The following CARMIL1 variants were observed in gnomAD, a reference collection of about 807,000 sequenced individuals.
CARMIL1 encodes capping protein regulator and myosin 1 linker 1.
Under a neutral mutation model 177.1 loss-of-function variants are expected in CARMIL1, and 90 were observed. That is an observed-to-expected ratio of 0.51 (90% CI 0.43 to 0.61). The LOEUF (loss-of-function observed/expected upper bound fraction) is 0.61, where lower values mean the gene tolerates loss of function less well. Among genes scored for constraint, CARMIL1 ranks in the 20% least tolerant of loss-of-function variants. CARMIL1 has a pLI of 0.00. For missense variants in CARMIL1, 1,380 were observed against 1,667.0 expected, an observed-to-expected ratio of 0.83 and a Z score of 3.00; for synonymous variants, 577 against 606.2, an observed-to-expected ratio of 0.95 and a Z score of 0.71.
chr6:25,533,526 G>T (rs986698557), intron 24 of CARMIL1, among the ~76,000 whole-genome samples: 5 of 151,728 alleles, frequency 3.3e-5, no homozygotes, highest in Non-Finnish European at 5.9e-5. Context: ...ACATTAATGG[G>T]TTTTTTTTGG....
At chr6:25,567,074 G>T (rs917589063) in intron 29 of CARMIL1, among the ~76,000 whole-genome samples, 2 of 152,218 alleles carry the variant, frequency 1.3e-5, no homozygotes, top group Non-Finnish European at 2.9e-5. Flanking sequence ...AGTCAGGGAT[G>T]TTAACACACT....
intron 2 of CARMIL1, among the ~76,000 whole-genome samples, chr6:25,332,248 A>G (rs1047149975): frequency 5.2e-4 from 79 of 152,332 alleles, no homozygotes; most frequent in African/African-American, 1.9e-3. Flanking sequence ...TTGTCTTTCC[A>G]GCCTAGGAGC....
At chr6:25,452,003 C>CG (rs942138036) in intron 8 of CARMIL1, 13 of 293,980 alleles carry the variant, frequency 4.4e-5, no homozygotes, top group Admixed American at 2.8e-4. Context: ...CCTCCCCCCC[C>CG]CAGAATACTG....
intron 29 of CARMIL1, among the ~76,000 whole-genome samples, chr6:25,567,677 A>T (rs1172067417): frequency 6.6e-6 from 1 of 152,194 alleles, no homozygotes; most frequent in Non-Finnish European, 1.5e-5. Context: ...GAAATTTGGG[A>T]ATGACAAAAA....
intron 2 of CARMIL1, among the ~76,000 whole-genome samples, chr6:25,290,098 G>A (rs111966106): frequency 3.1e-4 from 47 of 152,154 alleles, no homozygotes; most frequent in African/African-American, 7.9e-4. Flanking sequence ...TCATTGTCTG[G>A]ACTTCTTTTT....
chr6:25,526,523 TC>T (rs142336270), intron 23 of CARMIL1, among the ~76,000 whole-genome samples: 1,877 of 151,454 alleles, frequency 0.012, 28 homozygotes, highest in African/African-American at 0.037. Flanking sequence ...GCCTCTCATC[TC>T]CTTTTCCTCT....
intron 9 of CARMIL1, among the ~76,000 whole-genome samples, chr6:25,468,266 T>TA (rs950240866): frequency 3.7e-4 from 56 of 151,978 alleles, no homozygotes; most frequent in African/African-American, 1.0e-3. Context: ...CTTGATTCAT[T>TA]AAAAAAAACA....
At chr6:25,566,580 C>T (rs1811571850) in intron 29 of CARMIL1, among the ~76,000 whole-genome samples, 1 of 152,226 alleles carries the variant, frequency 6.6e-6, no homozygotes, top group Non-Finnish European at 1.5e-5. Flanking sequence ...ATTATATTAT[C>T]TTAGCACTTA....
chr6:25,521,254 A>G (rs1262499489), intron 23 of CARMIL1, among the ~76,000 whole-genome samples: 1 of 152,194 alleles, frequency 6.6e-6, no homozygotes, highest in African/African-American at 2.4e-5. Context: ...GTACATATTC[A>G]GCAGGCTTGG....
chr6:25,311,803 AGGGCCAG>A (rs557449217), intron 2 of CARMIL1, among the ~76,000 whole-genome samples: 42 of 152,334 alleles, frequency 2.8e-4, no homozygotes, highest in African/African-American at 9.9e-4. Context: ...ATGATCTTAG[AGGGCCAG>A]GGGATAAGTA....
intron 5 of CARMIL1, among the ~76,000 whole-genome samples, chr6:25,439,543 A>T (rs1471154912): frequency 1.3e-5 from 2 of 152,076 alleles, no homozygotes; most frequent in Admixed American, 6.6e-5. Context: ...CCAGTGAAAA[A>T]CCAGGGCCTG....
At chr6:25,586,739 G>A (rs543515597) in intron 31 of CARMIL1, among the ~76,000 whole-genome samples, 2 of 152,100 alleles carry the variant, frequency 1.3e-5, no homozygotes, top group South Asian at 2.1e-4. Flanking sequence ...GATCACTCGC[G>A]GTCAGGAGCT....
Position 25,577,845 on chromosome 6 carries a change from GC to G in CARMIL1, c.2743-3077del, listed in dbSNP as rs1055813562. On this transcript the variant is annotated intron_variant, in intron 29 of 36. Coordinates refer to ENST00000329474, the MANE Select transcript of CARMIL1 (RefSeq NM_017640.6). This position sits in a 1 kb window ranked among gnomAD's most constrained non-coding sequence, Gnocchi z 4.5. ...TGGATTCTCAGAAAATAGAGTTGTG[GC>G]CTTTTTGTTCACAGTGTCTGCCACA... is the stretch of plus-strand genomic sequence containing the variant. Among the ~76,000 whole-genome samples, 1 of 152,044 alleles carries G rather than the reference GC, an allele frequency of 6.6e-6. No homozygotes were observed. Among genetic ancestry groups the G allele is most frequent in the Non-Finnish European group, 1.5e-5 (1 of 67,972 alleles).
intron 2 of CARMIL1, among the ~76,000 whole-genome samples, chr6:25,361,834 A>C (rs1789228686): frequency 6.6e-6 from 1 of 152,206 alleles, no homozygotes; most frequent in East Asian, 1.9e-4. Context: ...CTCTCACCGT[A>C]TGATGCTCTC....
At chr6:25,586,129 G>A (rs1025471341) in intron 31 of CARMIL1, among the ~76,000 whole-genome samples, 14 of 148,752 alleles carry the variant, frequency 9.4e-5, no homozygotes, top group African/African-American at 2.3e-4. Flanking sequence ...ACGGCTGGCC[G>A]GGCGGGGGGT....
At chr6:25,533,576 A>G (rs1329708382) in intron 24 of CARMIL1, among the ~76,000 whole-genome samples, 1 of 152,098 alleles carries the variant, frequency 6.6e-6, no homozygotes. Flanking sequence ...ATTATTATGG[A>G]CCATCTCATC....
In CARMIL1 at chr6:25,284,842, TA is replaced by T; in HGVS notation, c.76del (p.Ile26PhefsTer3). 6.4e-7 allele frequency: 1 copy of T among 1,567,976 alleles called. No individual in the cohort carries two copies. The highest frequency in any genetic ancestry group is 1.9e-5 in the Admixed American group (1 of 53,998). The part of the protein sequence containing the change: ...ESIKDVIGRK[I>X]KISVKKKVKL... ...ATAAAGGATGTTATTGGCAGAAAGA[TA>T]AAAATTTCAGTGAAGAAGAAAGTAA... On this transcript the variant is annotated frameshift_variant, in exon 2 of 37. Coordinates refer to ENST00000329474, the MANE Select transcript of CARMIL1 (RefSeq NM_017640.6). LOFTEE classifies it high-confidence loss of function.
intron 31 of CARMIL1, among the ~76,000 whole-genome samples, chr6:25,589,525 T>C (rs1348920670): frequency 6.6e-6 from 1 of 152,206 alleles, no homozygotes; most frequent in Non-Finnish European, 1.5e-5. Context: ...GTCTCACCTG[T>C]CACCCAGGCT....
intron 2 of CARMIL1, among the ~76,000 whole-genome samples, chr6:25,300,468 A>G (rs145333471): frequency 0.024 from 3,595 of 152,276 alleles, 60 homozygotes; most frequent in Non-Finnish European, 0.038. Context: ...GGAGTTCGAG[A>G]CCAGCCTGGC....
Sources: gnomAD v4.1 joint callset for allele counts (sites outside exome capture counted in the v4.1 genomes callset) on GRCh38, gnomAD v4.1.1 for gene constraint, Gnocchi (gnomAD v3.1) non-coding constraint, MANE v1.5 for transcripts, NCBI Gene and HGNC (gene_info 2026-07-23, HGNC 2026-07-21) for gene names.